The following MFSD12 variants were observed in gnomAD, a reference collection of about 807,000 sequenced individuals.
MFSD12 encodes the protein major facilitator superfamily domain containing 12, also known as major facilitator superfamily domain-containing protein 12.
Under a neutral mutation model 51.2 loss-of-function variants are expected in MFSD12, and 67 were observed. The observed-to-expected ratio is 1.31, with a 90% CI of 1.08 to 1.60. The LOEUF is 1.60. MFSD12 is among the 40% of genes most tolerant of loss of function. MFSD12 has a pLI of 0.00. For synonymous variants in MFSD12, 441 were observed against 316.7 expected (o/e 1.39, Z -4.17); for missense variants, 921 against 673.0 (o/e 1.37, Z -4.08).
intron 1 of MFSD12, among the ~76,000 whole-genome samples, chr19:3,555,500 G>A (rs1627527): frequency 0.49 from 73,763 of 152,056 alleles, 18,427 homozygotes; most frequent in East Asian, 0.84. Flanking sequence ...CAATCCCAAC[G>A]TAACCACAAA....
chr19:3,543,289 C>CACACGCTGGAAGT (rs2030589266), downstream of MFSD12: 2 of 1,548,406 alleles, frequency 1.3e-6, no homozygotes, highest in Admixed American at 2.0e-5. Context: ...TCAGGCAGGC[C>CACACGCTGGAAGT]ACACGCTGGA....
chr19:3,554,195 G>T (rs1000803191), intron 1 of MFSD12, among the ~76,000 whole-genome samples: 3 of 152,072 alleles, frequency 2.0e-5, no homozygotes, highest in East Asian at 1.9e-4. Flanking sequence ...CCAGCACTGT[G>T]GGGGGCTGAG....
At chr19:3,544,148 G>A (rs1004653735), downstream of MFSD12, 10 of 1,401,398 alleles carry the variant, frequency 7.1e-6, no homozygotes, top group Admixed American at 6.4e-5. Context: ...GGGCTGAGAT[G>A]CCCAGGCTAC....
In MFSD12 at chr19:3,550,992, C is replaced by T. The variant is rs748292421; in HGVS notation, c.501G>A (p.Thr167=). ...VTNDHEKVEL[T]ALRYAFTVVA... is the part of the protein sequence containing the mutation. ...GGTGCCCAGGCTCCCACCTGAGTGC[C>T]GTGAGCTCCACCTTCTCATGGTCGT... Residue 167 remains threonine, a synonymous_variant, in exon 2 of 10, where the codon ACG becomes ACA. Transcript: ENST00000355415. The T allele has an allele frequency of 3.8e-5, 62 of 1,611,150 alleles. No individual in the cohort carries two copies. The East Asian group carries it at 1.2e-3, about 31-fold the overall frequency.
At chr19:3,552,207 G>A (rs1453643569) in intron 1 of MFSD12, among the ~76,000 whole-genome samples, 5 of 149,456 alleles carry the variant, frequency 3.3e-5, no homozygotes, top group Admixed American at 6.7e-5. Flanking sequence ...TTGCTCTGTC[G>A]CCCAGGCTGG....
rs752459575 is a variant in MFSD12, at chr19:3,544,691, T to G, written c.*19A>C. ...CGTCCCCACAGTTCCCTTGCACAGGTGCAGGAGGCTGTCAGGAGTCAGGGC... is the reference window on the plus strand; with the variant it reads ...CGTCCCCACAGTTCCCTTGCACAGGGGCAGGAGGCTGTCAGGAGTCAGGGC... On this transcript the variant is annotated 3_prime_UTR_variant, in exon 10 of 10. Transcript: ENST00000355415. 3 of 1,590,160 alleles carry G rather than the reference T, an allele frequency of 1.9e-6. No individual in the cohort carries two copies. Among genetic ancestry groups the G allele is most frequent in the African/African-American group, 1.4e-5 (1 of 73,676 alleles).
intron 2 of MFSD12, among the ~76,000 whole-genome samples, 182 bp downstream of exon 2, chr19:3,550,802 G>A (rs1222595991): frequency 5.3e-5 from 8 of 151,978 alleles, no homozygotes; most frequent in Middle Eastern, 3.4e-3. Context: ...GCAGTCAGCC[G>A]AGATCACCCC....
At position 3,547,519 on chromosome 19, in the gene MFSD12, A is replaced by G; in HGVS notation, c.866T>C (p.Leu289Pro). ...GTAGGTCTGGGACAGGTTCACGATG[A>G]GCCTGGTGGTCATGTACAGTATGCC... ...QVGILYMTTR[L>P]IVNLSQTYMA... is the part of the protein sequence containing the mutation. The change falls in exon 5 of 10, where the codon CTC (leucine) becomes CCC (proline). Residue 289 changes from leucine (L) to proline (P), a missense_variant. Coordinates refer to ENST00000355415, the MANE Select transcript of MFSD12 (RefSeq NM_174983.5). 6.2e-7 allele frequency: 1 copy of G among 1,612,648 alleles called. No homozygotes were observed.
downstream of MFSD12, chr19:3,543,543 G>T: frequency 4.1e-6 from 5 of 1,216,400 alleles, no homozygotes; most frequent in Non-Finnish European, 3.2e-6. Flanking sequence ...GCCAGCCCCC[G>T]CCCCACCGCA....
At position 3,544,528 on chromosome 19, in the gene MFSD12, G is replaced by T; in HGVS notation, c.*182C>A. The T allele has an allele frequency of 7.1e-7, 1 of 1,408,110 alleles. No individual in the cohort carries two copies. Among genetic ancestry groups the T allele is most frequent in the Non-Finnish European group, 9.2e-7 (1 of 1,083,750 alleles). The allele number at this position is 1,408,110 out of a possible 1,614,324, so 87.2% of individuals were successfully genotyped here. A position where few individuals can be genotyped will look rare whatever the true frequency, so the allele number is the denominator to read the frequency against. On this transcript the variant is annotated 3_prime_UTR_variant, in exon 10 of 10. Transcript: ENST00000355415. ...CACCCTCAAAACCCAGGGGGTCCTT[G>T]CAAGTCCCTGGCGGGCATCCCTGCT...
chr19:3,552,827 C>A (rs1599839375), intron 1 of MFSD12, among the ~76,000 whole-genome samples: 2 of 152,160 alleles, frequency 1.3e-5, no homozygotes, highest in Non-Finnish European at 2.9e-5. Context: ...GTGGCCCTGA[C>A]ACAGCCTGTA....
At position 3,544,210 on chromosome 19, in the gene MFSD12, CTT is replaced by C. The variant is rs759002191; in HGVS notation, c.*498_*499del. 6.6e-4 allele frequency: 879 copies of C among 1,338,804 alleles called. 1 individual carries two copies. The highest frequency in any genetic ancestry group is 8.2e-4 in the Non-Finnish European group (857 of 1,044,732). 82.9% of individuals were successfully genotyped at this position (1,338,804 alleles called of 1,614,324 possible). On this transcript the variant is annotated 3_prime_UTR_variant, in exon 10 of 10. Transcript: ENST00000355415. The stretch of plus-strand genomic sequence containing the variant: ...GACAGGAGCCAGGCTGCCGTCATCT[CTT>C]TATTTGCTGCCAGCAGAGTCCACCA...
intron 1 of MFSD12, among the ~76,000 whole-genome samples, chr19:3,556,337 C>T (rs964487220): frequency 2.0e-5 from 3 of 152,182 alleles, no homozygotes; most frequent in East Asian, 1.9e-4. Context: ...CAGGGTGGCC[C>T]GGGGGCTCAG....
chr19:3,543,859 C>T (rs1555696664), downstream of MFSD12: 1 of 1,547,522 alleles, frequency 6.5e-7, no homozygotes, highest in Non-Finnish European at 8.7e-7. Context: ...GGGGTGGAGC[C>T]ACTGTGGAGG....
chr19:3,543,952 C>T, downstream of MFSD12: 1 of 1,550,956 alleles, frequency 6.4e-7, no homozygotes, highest in Non-Finnish European at 8.7e-7. Context: ...GTCCTGGAAC[C>T]ATACTGCCCC....
At chr19:3,540,533 G>A (rs2030298884), downstream of MFSD12, among the ~76,000 whole-genome samples, 1 of 151,530 alleles carries the variant, frequency 6.6e-6, no homozygotes, top group African/African-American at 2.4e-5. Flanking sequence ...TGGGATTACA[G>A]GCGTGAGGCA....
chr19:3,555,246 T>G (rs1169806654), intron 1 of MFSD12, among the ~76,000 whole-genome samples: 1 of 152,120 alleles, frequency 6.6e-6, no homozygotes, highest in Non-Finnish European at 1.5e-5. Context: ...GTAGCTGGGA[T>G]TACAGGCGTG....
rs2031182590 is a variant in MFSD12, at chr19:3,547,602, C to T, written c.838-55G>A. ...GGGGTCAGGAGGGCCTTCTCCACTCCCACCAGCAGGGGGCACCGGGGCCAG... is the reference window on the plus strand; with the variant it reads ...GGGGTCAGGAGGGCCTTCTCCACTCTCACCAGCAGGGGGCACCGGGGCCAG... On this transcript the variant is annotated intron_variant, in intron 4 of 9. Transcript: ENST00000355415. The T allele has an allele frequency of 3.3e-6, 5 of 1,501,840 alleles. No homozygotes were observed. The South Asian group carries it at 5.9e-5, about 18-fold the overall frequency. 93.0% of individuals were successfully genotyped at this position (1,501,840 alleles called of 1,614,324 possible).
chr19:3,551,915 G>A lies in MFSD12; in HGVS notation c.299-721C>T, dbSNP rs117857535. 0.021 allele frequency among the ~76,000 whole-genome samples: 3,130 copies of A among 152,130 alleles called. 42 individuals are homozygous for A. The highest frequency in any genetic ancestry group is 0.048 in the East Asian group (246 of 5,152). ...CAACATGCCAGGCGGTCCTGCCCCC[G>A]GGCCTTTGCATGGGCGTGCCTCTGC... On this transcript the variant is annotated intron_variant, in intron 1 of 9. Coordinates refer to ENST00000355415, the MANE Select transcript of MFSD12 (RefSeq NM_174983.5). This position sits in a 1 kb window ranked among gnomAD's most constrained non-coding sequence, Gnocchi z 4.6.
Sources: allele counts gnomAD v4.1 joint callset (sites outside exome capture counted in the v4.1 genomes callset), GRCh38; gene constraint gnomAD v4.1.1; non-coding constraint Gnocchi (gnomAD v3.1); transcripts MANE v1.5; gene names NCBI Gene and HGNC (gene_info 2026-07-23, HGNC 2026-07-21).